The following CSMD1 variants were observed in gnomAD, a reference collection of about 807,000 sequenced individuals.
The protein encoded by CSMD1 is CUB and sushi domain-containing protein 1.
In CSMD1, 213 loss-of-function variants were observed where a neutral mutation model predicts 417.5. The observed-to-expected ratio is 0.51, with a 90% confidence interval of 0.46 to 0.57. The LOEUF (loss-of-function observed/expected upper bound fraction) is 0.57, where lower values mean the gene tolerates loss of function less well. CSMD1 is among the 20% of genes least tolerant of loss of function. The pLI, the probability that CSMD1 is intolerant of heterozygous loss-of-function variation, is 0.00. For missense variants in CSMD1, 6,923 were observed against 4,529.7 expected (o/e 1.53, Z -15.17); for synonymous variants, 2,862 against 1,736.8 (o/e 1.65, Z -16.11).
At chr8:4,503,961 T>G (rs371444922) in intron 2 of CSMD1, among the ~76,000 whole-genome samples, 1 of 144,102 alleles carries the variant, frequency 6.9e-6, no homozygotes, top group Non-Finnish European at 1.5e-5. Flanking sequence ...CAACACTACT[T>G]GCATATTCAA....
intron 1 of CSMD1, among the ~76,000 whole-genome samples, chr8:4,653,303 C>T (rs953376202): frequency 2.0e-5 from 3 of 152,092 alleles, no homozygotes; most frequent in African/African-American, 7.3e-5. Flanking sequence ...AGGTGACGAT[C>T]ACTAGGCGCA....
At chr8:4,231,577 T>A (rs6558858) in intron 3 of CSMD1, among the ~76,000 whole-genome samples, 34 of 152,304 alleles carry the variant, frequency 2.2e-4, no homozygotes, top group African/African-American at 7.9e-4. Flanking sequence ...ATGTAACTAT[T>A]ATTGTTATAA....
In CSMD1 at chr8:4,038,922, T is replaced by TCCCTCCG. The variant is rs1165824946; in HGVS notation, c.416-6824_416-6823insCGGAGGG. 2.6e-5 allele frequency among the ~76,000 whole-genome samples: 4 copies of TCCCTCCG among 152,176 alleles called. No individual in the cohort carries two copies. The East Asian group carries it at 5.8e-4, about 22-fold the overall frequency. On this transcript the variant is annotated intron_variant, in intron 3 of 69. Transcript: ENST00000635120. ...GAAAATTCCCTCCGTAACACTTAAT[T>TCCCTCCG]TGGCAAGTACATATGGTCACAATTC...
chr8:3,802,389 A>T (rs1800505895), intron 5 of CSMD1, among the ~76,000 whole-genome samples: 2 of 152,158 alleles, frequency 1.3e-5, no homozygotes, highest in African/African-American at 2.4e-5. Flanking sequence ...ATTGAAAGGG[A>T]CAATGTTGCA....
At chr8:4,720,794 A>C (rs1324300572) in intron 1 of CSMD1, among the ~76,000 whole-genome samples, 6 of 152,190 alleles carry the variant, frequency 3.9e-5, no homozygotes, top group Non-Finnish European at 8.8e-5. Flanking sequence ...GTGACTTAGA[A>C]TTCCATCTAA....
chr8:4,317,197 G>C (rs1003075589), intron 3 of CSMD1, among the ~76,000 whole-genome samples: 8 of 152,088 alleles, frequency 5.3e-5, no homozygotes, highest in African/African-American at 1.9e-4. Context: ...AGCTCAATGG[G>C]TTATATTTTA....
intron 42 of CSMD1, among the ~76,000 whole-genome samples, chr8:3,110,996 T>A (rs1445098796): frequency 6.6e-6 from 1 of 152,220 alleles, no homozygotes; most frequent in African/African-American, 2.4e-5. Flanking sequence ...GAAAATGACA[T>A]GTCCAAACAC....
chr8:4,076,862 C>T (rs1476648540), intron 3 of CSMD1, among the ~76,000 whole-genome samples: 2 of 152,154 alleles, frequency 1.3e-5, no homozygotes, highest in African/African-American at 4.8e-5. Context: ...CTACTCTTTT[C>T]TCATTTTTTC....
intron 4 of CSMD1, among the ~76,000 whole-genome samples, chr8:4,009,315 G>C (rs1013458163): frequency 6.6e-6 from 1 of 152,138 alleles, no homozygotes; most frequent in Non-Finnish European, 1.5e-5. Context: ...CCTTTTGTGG[G>C]TATAAAACTT....
chr8:3,517,546 G>A (rs1040894867), intron 10 of CSMD1, among the ~76,000 whole-genome samples: 1 of 152,146 alleles, frequency 6.6e-6, no homozygotes. Flanking sequence ...TGGGAGAATG[G>A]GAGGAGAAGT....
chr8:4,587,142 G>T (rs867203119), intron 2 of CSMD1, among the ~76,000 whole-genome samples: 5 of 152,078 alleles, frequency 3.3e-5, no homozygotes, highest in Admixed American at 6.6e-5. Flanking sequence ...CTTCCACATT[G>T]ATTTTTCTGC....
chr8:4,271,934 C>G (rs1804624560), intron 3 of CSMD1, among the ~76,000 whole-genome samples: 1 of 152,264 alleles, frequency 6.6e-6, no homozygotes, highest in East Asian at 1.9e-4. Context: ...AGCAAAATAC[C>G]TGCCCTACAG....
intron 1 of CSMD1, among the ~76,000 whole-genome samples, chr8:4,748,414 T>G (rs2117037110): frequency 6.6e-6 from 1 of 152,340 alleles, no homozygotes; most frequent in South Asian, 2.1e-4. Flanking sequence ...GGAAGTCACA[T>G]TTTATTTGCT....
chr8:4,469,213 C>G (rs952603053), intron 2 of CSMD1, among the ~76,000 whole-genome samples: 2 of 152,116 alleles, frequency 1.3e-5, no homozygotes, highest in African/African-American at 2.4e-5. Context: ...TCTCCAAGGC[C>G]AAGACCTAAG....
intron 5 of CSMD1, among the ~76,000 whole-genome samples, chr8:3,782,723 G>A (rs1020739732): frequency 3.9e-5 from 6 of 152,122 alleles, no homozygotes; most frequent in Non-Finnish European, 7.4e-5. Context: ...TCAAGGAGCT[G>A]GGTGTTGGTG....
intron 1 of CSMD1, among the ~76,000 whole-genome samples, chr8:4,759,252 G>C (rs1159234709): frequency 6.6e-6 from 1 of 152,128 alleles, no homozygotes; most frequent in Admixed American, 6.6e-5. Context: ...GTTGGATGAT[G>C]ACTGCCCTCA....
At chr8:2,962,323 C>T (rs2128926119) in intron 61 of CSMD1, 143 bp downstream of exon 61, 1 of 682,760 alleles carries the variant, frequency 1.5e-6, no homozygotes, top group Non-Finnish European at 2.4e-6. Context: ...CGCAATCCTA[C>T]TCAGTGCAAA....
intron 8 of CSMD1, among the ~76,000 whole-genome samples, chr8:3,614,700 G>A (rs1390718416): frequency 6.6e-6 from 1 of 152,306 alleles, no homozygotes; most frequent in Non-Finnish European, 1.5e-5. Flanking sequence ...GGGATGACAG[G>A]ATACAAGATG....
At chr8:3,534,935 T>G (rs938615682) in intron 10 of CSMD1, among the ~76,000 whole-genome samples, 9 of 152,184 alleles carry the variant, frequency 5.9e-5, no homozygotes, top group African/African-American at 2.2e-4. Context: ...AGGGTTACTG[T>G]AAGACATGTA....
Sources: gnomAD v4.1 joint callset for allele counts (sites outside exome capture counted in the v4.1 genomes callset) on GRCh38, gnomAD v4.1.1 for gene constraint, MANE v1.5 for transcripts, NCBI Gene and HGNC (gene_info 2026-07-23, HGNC 2026-07-21) for gene names.